The following NLRC5 variants were observed in gnomAD, a reference collection of about 807,000 sequenced individuals.
The protein encoded by NLRC5 is NLR family CARD domain containing 5, also known as protein NLRC5.
A neutral mutation model predicts 206.9 loss-of-function variants in NLRC5; 114 were observed. The observed-to-expected ratio is 0.55, with a 90% confidence interval of 0.47 to 0.64. NLRC5 has a LOEUF of 0.64. Among genes scored for constraint, NLRC5 ranks in the 30% least tolerant of loss-of-function variants. The probability of loss-of-function intolerance (pLI) is 0.00; values close to 1 mark genes in which losing one functional copy is unlikely to be tolerated. For missense variants in NLRC5, 2,008 were observed against 2,305.5 expected (o/e 0.87, Z 2.64); for synonymous variants, 952 against 962.8 (o/e 0.99, Z 0.21).
rs1379974241 is a variant in NLRC5, at chr16:57,082,929, C to T, written c.*401C>T. On this transcript the variant is annotated 3_prime_UTR_variant, in exon 49 of 49. Coordinates refer to ENST00000688547, the MANE Select transcript of NLRC5 (RefSeq NM_001384950.1). ...AGTAGCAGGATACATGATTGTTGGTCTATATATGACACATGACAAATGTCC... is the reference window on the plus strand; with the variant it reads ...AGTAGCAGGATACATGATTGTTGGTTTATATATGACACATGACAAATGTCC... 1 of 165,202 alleles carries T rather than the reference C, an allele frequency of 6.1e-6. No individual in the cohort carries two copies. Among genetic ancestry groups the T allele is most frequent in the African/African-American group, 2.4e-5 (1 of 41,904 alleles). The allele number at this position is 165,202 out of a possible 1,614,324, so 10.2% of individuals were successfully genotyped here.
Position 57,029,827 on chromosome 16 carries a change from C to T in NLRC5, c.2298C>T (p.Leu766=). Residue 766 remains leucine (L), a synonymous_variant, in exon 9 of 49, where the codon CTC becomes CTT. Transcript: ENST00000688547. ...DQVVLNIVEV[L]PHLPRLRKLD... ...TGGTGCTGAACATTGTGGAGGTTCTCCCTCACCTACCACGGCTCCGGAAGC... is the reference window on the plus strand; with the variant it reads ...TGGTGCTGAACATTGTGGAGGTTCTTCCTCACCTACCACGGCTCCGGAAGC... 6.2e-7 allele frequency: 1 copy of T among 1,614,174 alleles called. No homozygotes were observed. The highest frequency in any genetic ancestry group is 8.5e-7 in the Non-Finnish European group (1 of 1,180,014).
rs541291733 is a variant in NLRC5, at chr16:57,062,293, G to A, written c.4154+592G>A. 87 of 398,324 alleles carry A rather than the reference G, an allele frequency of 2.2e-4. 1 individual carries two copies. The highest frequency in any genetic ancestry group is 1.1e-3 in the Middle Eastern group (3 of 2,808). 24.7% of individuals were successfully genotyped at this position (398,324 alleles called of 1,614,324 possible). A position where few individuals can be genotyped will look rare whatever the true frequency, so the allele number is the denominator to read the frequency against. On this transcript the variant is annotated intron_variant, in intron 32 of 48. Transcript: ENST00000688547. ...AGGACACCTAAGAAACTCAGTTAGC[G>A]ATTCCTTAGTGTCGGGTACTACCTA... is the stretch of plus-strand genomic sequence containing the variant.
At chr16:57,024,283 G>A (rs1327824283) in intron 5 of NLRC5, among the ~76,000 whole-genome samples, 1 of 152,200 alleles carries the variant, frequency 6.6e-6, no homozygotes, top group Non-Finnish European at 1.5e-5. Context: ...GGGGAGACAT[G>A]GAGCTGCTTA....
chr16:57,053,571 C>T (rs916441127), intron 24 of NLRC5, among the ~76,000 whole-genome samples: 2 of 152,218 alleles, frequency 1.3e-5, no homozygotes, highest in East Asian at 3.8e-4. Context: ...CTCTGTCACA[C>T]AGGCTGGAGT....
At chr16:57,000,236 C>G (rs569807995) in intron 1 of NLRC5, among the ~76,000 whole-genome samples, 6 of 152,282 alleles carry the variant, frequency 3.9e-5, no homozygotes, top group African/African-American at 1.2e-4. Flanking sequence ...AGCTGGCCAC[C>G]TGCTGTCCCA....
chr16:56,991,218 G>A (rs758037229), intron 1 of NLRC5: 2 of 152,082 alleles, frequency 1.3e-5, no homozygotes, highest in Non-Finnish European at 2.9e-5. Flanking sequence ...AAAGATCTTG[G>A]AAGAGTTTCA....
At chr16:57,037,320 C>A (rs1684580) in intron 15 of NLRC5, 36 bp downstream of exon 15, 109 of 1,564,520 alleles carry the variant, frequency 7.0e-5, no homozygotes, top group Admixed American at 1.0e-4. Context: ...CCCATCCCCC[C>A]CCCCATCATG....
chr16:57,070,050 C>A, intron 37 of NLRC5, 131 bp downstream of exon 37: 1 of 729,402 alleles, frequency 1.4e-6, no homozygotes, highest in Non-Finnish European at 2.3e-6. Context: ...TGAAGTGCAG[C>A]AGTTCTGGGT....
intron 1 of NLRC5, among the ~76,000 whole-genome samples, chr16:57,003,297 G>C (rs1329417282): frequency 6.6e-6 from 1 of 151,966 alleles, no homozygotes; most frequent in East Asian, 1.9e-4. Context: ...TGATCTGCCT[G>C]CCTCAGCCTT....
In NLRC5 at chr16:57,046,614, G is replaced by C; in HGVS notation, c.3311G>C (p.Arg1104Pro). 1 of 1,614,028 alleles carries C rather than the reference G, an allele frequency of 6.2e-7. No individual in the cohort carries two copies. Among genetic ancestry groups the C allele is most frequent in the Non-Finnish European group, 8.5e-7 (1 of 1,179,934 alleles). ...GCTGCAGCCAAGTTCTTAGGGTTCC[G>C]TCAGCGCTGCATCCCCAGGAGCCTC... The part of the protein sequence containing the change: ...FPAAAKFLGF[R>P]QRCIPRSLCL... The change falls in exon 22 of 49, where the codon CGT (arginine) becomes CCT (proline). Residue 1104 changes from arginine (R) to proline (P), a missense_variant. Transcript: ENST00000688547.
At chr16:57,037,375 G>C in intron 15 of NLRC5, 91 bp downstream of exon 15, 2 of 1,219,044 alleles carry the variant, frequency 1.6e-6, no homozygotes, top group Non-Finnish European at 2.4e-6. Flanking sequence ...CAGGCCTTGG[G>C]ACGGGCAGAA....
At position 57,025,994 on chromosome 16, in the gene NLRC5, C is replaced by G. The variant is rs2061238140; in HGVS notation, c.1051C>G (p.Leu351Val). Residue 351 changes from leucine (L) to valine (V), a missense_variant, in exon 6 of 49, where the codon CTG becomes GTG. Leu to Val is a conservative substitution (Grantham distance 32). Transcript: ENST00000688547. ...GATGGCTACCTCCCGTCCAGGGAAG[C>G]TGCCTGCCTGCCTGCCTGCAGAGGC... Reference protein sequence around the residue: ...RVMATSRPGKLPACLPAEAAM... With the variant: ...RVMATSRPGKVPACLPAEAAM... The G allele has an allele frequency of 2.5e-6, 4 of 1,612,956 alleles. No individual in the cohort carries two copies. The highest frequency in any genetic ancestry group is 3.4e-6 in the Non-Finnish European group (4 of 1,179,462).
chr16:57,054,508 A>C (rs1285277912), intron 24 of NLRC5, among the ~76,000 whole-genome samples: 1 of 152,182 alleles, frequency 6.6e-6, no homozygotes, highest in Non-Finnish European at 1.5e-5. Flanking sequence ...ATTTCCAGAT[A>C]AGGAAACTGA....
Position 57,030,418 on chromosome 16 carries a change from A to AGATGGATGGGTGGATGAAAAGATG in NLRC5, c.2417+344_2417+367dup, listed in dbSNP as rs1567563954. On this transcript the variant is annotated intron_variant, in intron 10 of 48. Transcript: ENST00000688547. ...TGGATGGATGGATGGATGGCTGAAA[A>AGATGGATGGGTGGATGAAAAGATG]GATGGATGGGTGGATGAAAAGATGG... 1.6e-3 allele frequency among the ~76,000 whole-genome samples: 42 copies of AGATGGATGGGTGGATGAAAAGATG among 26,204 alleles called. 3 individuals carry two copies. The highest frequency in any genetic ancestry group is 4.7e-3 in the East Asian group (3 of 634). The allele number at this position is 26,204 out of a possible 152,430, so 17.2% of individuals were successfully genotyped here.
At chr16:57,041,622 T>A in intron 18 of NLRC5, 48 bp downstream of exon 18, 1 of 1,463,534 alleles carries the variant, frequency 6.8e-7, no homozygotes, top group Non-Finnish European at 9.6e-7. Flanking sequence ...CCAATTACAG[T>A]GAGTTAGTGT....
rs777308087 is a variant in NLRC5 at position 57,055,112 on chromosome 16, A to C, written c.3659+18A>C. ...TGCTGTGGGTAAGCCCCCTTGAACCATGCCTAGGCAGCTAGTTGATGTTGG... is the reference window on the plus strand; with the variant it reads ...TGCTGTGGGTAAGCCCCCTTGAACCCTGCCTAGGCAGCTAGTTGATGTTGG... On this transcript the variant is annotated intron_variant, in intron 26 of 48. Transcript: ENST00000688547. The C allele has an allele frequency of 1.6e-5, 26 of 1,613,824 alleles. No individual in the cohort carries two copies. Among genetic ancestry groups the C allele is most frequent in the Non-Finnish European group, 2.1e-5 (25 of 1,179,882 alleles).
chr16:57,074,240 C>T (rs1186501566), intron 38 of NLRC5: 2 of 189,480 alleles, frequency 1.1e-5, no homozygotes, highest in East Asian at 1.2e-4. Flanking sequence ...CTCTCTGAAC[C>T]TTGGTGTTCC....
intron 46 of NLRC5, 111 bp from the exon 47 acceptor site, chr16:57,080,987 G>A (rs2069063411): frequency 2.2e-6 from 2 of 928,164 alleles, no homozygotes; most frequent in Non-Finnish European, 3.3e-6. Flanking sequence ...GGCCTCTCTT[G>A]AAAACCCTTG....
rs201908698 is a variant in NLRC5 at position 57,054,745 on chromosome 16, T to C, written c.3507-6T>C. 3.8e-5 allele frequency: 61 copies of C among 1,613,606 alleles called. No individual in the cohort carries two copies. Among genetic ancestry groups the C allele is most frequent in the Non-Finnish European group, 5.2e-5 (61 of 1,179,680 alleles). The stretch of plus-strand genomic sequence containing the variant: ...TCTTGCCGGATCTACCCCCTTTCCT[T>C]TTCAGGCTGAGCCAGACGGGACTGT... On this transcript the variant is annotated splice_region_variant and splice_polypyrimidine_tract_variant and intron_variant, in intron 24 of 48. Transcript: ENST00000688547.
Sources: gnomAD v4.1 joint callset for allele counts (sites outside exome capture counted in the v4.1 genomes callset) on GRCh38, gnomAD v4.1.1 for gene constraint, MANE v1.5 for transcripts, NCBI Gene and HGNC (gene_info 2026-07-23, HGNC 2026-07-21) for gene names.